The following MEGF6 variants were observed in gnomAD, a reference collection of about 807,000 sequenced individuals.
The protein encoded by MEGF6 is multiple EGF like domains 6.
In MEGF6, 184 loss-of-function variants were observed where a neutral mutation model predicts 207.1. The ratio of observed to expected loss-of-function variants is 0.89; its 90% CI spans 0.79 to 1.00. The LOEUF (loss-of-function observed/expected upper bound fraction) is 1.00. Among genes scored for constraint, MEGF6 ranks in the 50% least tolerant of loss-of-function variants. The pLI, the probability that MEGF6 is intolerant of heterozygous loss-of-function variation, is 0.00. For missense variants in MEGF6, 2,282 were observed against 2,202.9 expected (o/e 1.04, Z -0.72); for synonymous variants, 1,038 against 910.0 (o/e 1.14, Z -2.53).
At chr1:3,619,458 A>G in the MEGF6 span, among the ~76,000 whole-genome samples, 1 of 152,168 alleles carries the variant, frequency 6.6e-6, no homozygotes, top group African/African-American at 2.4e-5. Flanking sequence ...GTATGCCCCC[A>G]CCCAAATGTC....
chr1:3,581,056 G>C (rs1643785371), intron 3 of MEGF6, among the ~76,000 whole-genome samples: 1 of 152,160 alleles, frequency 6.6e-6, no homozygotes, highest in Non-Finnish European at 1.5e-5. Context: ...ACCAGGGGCT[G>C]TGCCCGGTGG....
chr1:3,530,263 T>C (rs951047366), intron 4 of MEGF6, among the ~76,000 whole-genome samples: 3 of 152,180 alleles, frequency 2.0e-5, no homozygotes, highest in Admixed American at 6.5e-5. Context: ...TGCTTAGTCC[T>C]TCACGCAGGA....
Position 3,510,834 on chromosome 1 carries a change from A to G in MEGF6, c.1183T>C (p.Cys395Arg). 6.2e-7 allele frequency: 1 copy of G among 1,610,704 alleles called. No individual in the cohort carries two copies. The highest frequency in any genetic ancestry group is 8.5e-7 in the Non-Finnish European group (1 of 1,178,344). ...VCTNNPGGYE[C>R]GCYAGYRLSA... The stretch of plus-strand genomic sequence containing the variant: ...AGCCGGTAGCCGGCGTAGCAGCCGC[A>G]CTCGTACCCGCCAGGGTTGTTGGTG... Residue 395 changes from cysteine (C) to arginine (R), a missense_variant, in exon 10 of 37, where the codon TGC becomes CGC. Coordinates refer to ENST00000356575, the MANE Select transcript of MEGF6 (RefSeq NM_001409.4).
chr1:3,505,588 C>A, intron 15 of MEGF6, 32 bp from the exon 16 acceptor site: 2 of 1,518,960 alleles, frequency 1.3e-6, no homozygotes, highest in East Asian at 2.4e-5. Context: ...GGGGGGCTCC[C>A]GTCTGAAGCC....
At chr1:3,608,883 T>C (rs752327340) in intron 1 of MEGF6, among the ~76,000 whole-genome samples, 1 of 152,180 alleles carries the variant, frequency 6.6e-6, no homozygotes, top group Non-Finnish European at 1.5e-5. Context: ...AATCAGCAGA[T>C]AGATCAGTTC....
In MEGF6 at chr1:3,546,564, C is replaced by G. The variant is rs543539847; in HGVS notation, c.482-22318G>C. On this transcript the variant is annotated intron_variant, in intron 4 of 36. Transcript: ENST00000356575. ...GGGTGGCAGTGGGCTGGGAAGGGGGCTGCCAGGGAGGCCGCTGAGGCGGGG... is the reference window on the plus strand; with the variant it reads ...GGGTGGCAGTGGGCTGGGAAGGGGGGTGCCAGGGAGGCCGCTGAGGCGGGG... Among the ~76,000 whole-genome samples the G allele has an allele frequency of 1.7e-3, 247 of 147,230 alleles. 1 individual carries two copies. The highest frequency in any genetic ancestry group is 5.6e-3 in the African/African-American group (223 of 39,718).
chr1:3,568,694 C>T (rs895360095), intron 4 of MEGF6, among the ~76,000 whole-genome samples: 3 of 152,130 alleles, frequency 2.0e-5, no homozygotes, highest in African/African-American at 7.2e-5. Context: ...TGCCGGCCAG[C>T]CCTTTAGCCC....
At chr1:3,615,089 T>C (rs1370366182), upstream of MEGF6, among the ~76,000 whole-genome samples, 2 of 152,268 alleles carry the variant, frequency 1.3e-5, no homozygotes, top group East Asian at 1.9e-4. Context: ...ATTACACTGA[T>C]AATTCCCATC....
chr1:3,579,702 C>T lies in MEGF6; in HGVS notation c.481+123G>A, dbSNP rs976154835. ...ATTGCGGAATGTCCTCAGAAGAATGCCCGTTCACTCGGGGTGTCCCCTACA... is the reference window on the plus strand; with the variant it reads ...ATTGCGGAATGTCCTCAGAAGAATGTCCGTTCACTCGGGGTGTCCCCTACA... On this transcript the variant is annotated intron_variant, in intron 4 of 36. Transcript: ENST00000356575. The T allele has an allele frequency of 2.7e-5, 16 of 591,170 alleles. No homozygotes were observed. The African/African-American group carries it at 3.8e-4, about 14-fold the overall frequency. 36.6% of individuals were successfully genotyped at this position (591,170 alleles called of 1,614,324 possible).
intron 2 of MEGF6, among the ~76,000 whole-genome samples, chr1:3,598,664 T>C (rs1216420215): frequency 1.4e-5 from 2 of 145,944 alleles, no homozygotes; most frequent in African/African-American, 2.6e-5. Context: ...CCACACGGGC[T>C]CCAACGCTGG....
chr1:3,612,535 G>A (rs145953990), upstream of MEGF6, among the ~76,000 whole-genome samples: 314 of 152,284 alleles, frequency 2.1e-3, 1 homozygote, highest in African/African-American at 6.8e-3. Flanking sequence ...GGTGCAACCT[G>A]GGTGAGACCG....
intron 2 of MEGF6, among the ~76,000 whole-genome samples, chr1:3,598,601 T>C (rs1644109099): frequency 6.6e-6 from 1 of 151,764 alleles, no homozygotes; most frequent in East Asian, 2.0e-4. Flanking sequence ...ACCCTTGCAG[T>C]CCCTGCAGCC....
chr1:3,570,209 CAA>C (rs1236694867), intron 4 of MEGF6, among the ~76,000 whole-genome samples: 1 of 152,112 alleles, frequency 6.6e-6, no homozygotes, highest in Admixed American at 6.5e-5. Flanking sequence ...CCAGAGAAGC[CAA>C]AGTCAGGCAC....
At chr1:3,599,393 G>A (rs1379263117) in intron 2 of MEGF6, among the ~76,000 whole-genome samples, 4 of 152,214 alleles carry the variant, frequency 2.6e-5, no homozygotes, top group South Asian at 2.1e-4. Context: ...TCTCGCCCTC[G>A]GCTCTCAGCC....
chr1:3,611,188 G>A lies in MEGF6; in HGVS notation c.81C>T (p.Pro27=), dbSNP rs760086909. 7.1e-6 allele frequency: 11 copies of A among 1,548,484 alleles called. No homozygotes were observed. Among genetic ancestry groups the A allele is most frequent in the Middle Eastern group, 1.8e-4 (1 of 5,478 alleles). The change falls in exon 1 of 37, where the codon CCC becomes CCT. Residue 27 remains proline (P), a synonymous_variant. Coordinates refer to ENST00000356575, the MANE Select transcript of MEGF6 (RefSeq NM_001409.4). ...ALVLLLLPAV[P]VGASVPPRPL... The stretch of plus-strand genomic sequence containing the variant: ...GCCGCGGCGGAACGCTGGCGCCCAC[G>A]GGCACGGCGGGGAGCAGCAGCAGCA...
chr1:3,494,279 C>A, intron 32 of MEGF6, 92 bp downstream of exon 32: 1 of 1,473,514 alleles, frequency 6.8e-7, no homozygotes, highest in Non-Finnish European at 9.0e-7. Flanking sequence ...CCCACCTCCC[C>A]ACCACTTCAC....
At chr1:3,611,556 C>G (rs529844980), upstream of MEGF6, 1,574 of 301,634 alleles carry the variant, frequency 5.2e-3, 10 homozygotes, top group Middle Eastern at 0.012. Flanking sequence ...GGCCCGCCCC[C>G]AGCCCGGACC....
At chr1:3,571,652 T>C (rs1369234129) in intron 4 of MEGF6, among the ~76,000 whole-genome samples, 1 of 150,158 alleles carries the variant, frequency 6.7e-6, no homozygotes, top group African/African-American at 2.5e-5. Context: ...GGGTCCTTCC[T>C]GGGTGTGCTA....
chr1:3,491,670 GC>G (rs1398652676), intron 35 of MEGF6, among the ~76,000 whole-genome samples: 2 of 149,426 alleles, frequency 1.3e-5, no homozygotes, highest in African/African-American at 4.9e-5. Flanking sequence ...CCCGGCCTTT[GC>G]CCCGCCCACA....
Sources: allele counts gnomAD v4.1 joint callset (sites outside exome capture counted in the v4.1 genomes callset), GRCh38; gene constraint gnomAD v4.1.1; transcripts MANE v1.5; gene names NCBI Gene and HGNC (gene_info 2026-07-23, HGNC 2026-07-21).